CNTNAP5: variants seen among roughly 807,000 people sequenced by gnomAD.
CNTNAP5 encodes the protein contactin-associated protein-like 5.
In CNTNAP5, 72 loss-of-function variants were observed where a neutral mutation model predicts 150.2. The observed-to-expected ratio is 0.48, with a 90% CI of 0.40 to 0.58. CNTNAP5 has a LOEUF of 0.58. Ranked by LOEUF, CNTNAP5 falls within the 20% of genes least tolerant of loss-of-function variation. The pLI, the probability that CNTNAP5 is intolerant of heterozygous loss-of-function variation, is 0.00. For synonymous variants in CNTNAP5, 672 were observed against 619.8 expected (o/e 1.08, Z -1.25); for missense variants, 1,636 against 1,626.2 (o/e 1.01, Z -0.10).
chr2:124,148,444 G>A (rs1049244949), intron 1 of CNTNAP5, among the ~76,000 whole-genome samples: 35 of 148,780 alleles, frequency 2.4e-4, no homozygotes, highest in East Asian at 5.9e-4. Context: ...CTGCCGTATC[G>A]TCATGTTTCT....
At chr2:124,379,936 C>T (rs1690746585) in intron 3 of CNTNAP5, among the ~76,000 whole-genome samples, 1 of 152,126 alleles carries the variant, frequency 6.6e-6, no homozygotes, top group South Asian at 2.1e-4. Flanking sequence ...GTGGAAACCC[C>T]TTGCCTTACA....
At chr2:124,154,410 G>A (rs964927235) in intron 1 of CNTNAP5, among the ~76,000 whole-genome samples, 2 of 152,102 alleles carry the variant, frequency 1.3e-5, no homozygotes, top group African/African-American at 4.8e-5. Flanking sequence ...GGTGAGGAGA[G>A]GTGGAATGAG....
At chr2:124,521,458 G>A (rs1694844231) in intron 8 of CNTNAP5, among the ~76,000 whole-genome samples, 2 of 152,158 alleles carry the variant, frequency 1.3e-5, no homozygotes, top group Non-Finnish European at 1.5e-5. Flanking sequence ...GACATAGATG[G>A]CGATGTGGGG....
intron 1 of CNTNAP5, among the ~76,000 whole-genome samples, chr2:124,221,018 C>A (rs966442097): frequency 1.3e-5 from 2 of 152,056 alleles, no homozygotes; most frequent in Non-Finnish European, 2.9e-5. Context: ...CCCACCCTGT[C>A]CCACATTTGG....
chr2:124,477,481 G>C (rs865879562), intron 7 of CNTNAP5, among the ~76,000 whole-genome samples: 1 of 152,032 alleles, frequency 6.6e-6, no homozygotes, highest in East Asian at 1.9e-4. Context: ...CTTCGGTTTG[G>C]AAAAGTTAGG....
At chr2:124,037,061 C>T (rs1389672317) in intron 1 of CNTNAP5, among the ~76,000 whole-genome samples, 3 of 152,242 alleles carry the variant, frequency 2.0e-5, no homozygotes, top group Non-Finnish European at 2.9e-5. Flanking sequence ...CCCCAATCTT[C>T]AGGCCATCTT....
intron 1 of CNTNAP5, among the ~76,000 whole-genome samples, chr2:124,157,404 T>C (rs1236332411): frequency 2.0e-5 from 3 of 152,200 alleles, no homozygotes; most frequent in Non-Finnish European, 2.9e-5. Flanking sequence ...GAAGAAGCTG[T>C]GTTAGGCTCT....
intron 10 of CNTNAP5, among the ~76,000 whole-genome samples, chr2:124,551,868 A>G (rs984978816): frequency 2.0e-5 from 3 of 152,282 alleles, no homozygotes; most frequent in African/African-American, 4.8e-5. Context: ...ATTTAAGTAC[A>G]CTGAGTATAT....
chr2:124,700,145 C>A (rs547989526), intron 13 of CNTNAP5, among the ~76,000 whole-genome samples: 1 of 152,156 alleles, frequency 6.6e-6, no homozygotes, highest in Non-Finnish European at 1.5e-5. Context: ...GCTTCTTCCA[C>A]TTAATAGAAT....
At chr2:124,074,232 G>A (rs1012078030) in intron 1 of CNTNAP5, among the ~76,000 whole-genome samples, 10 of 151,950 alleles carry the variant, frequency 6.6e-5, no homozygotes, top group African/African-American at 2.4e-4. Context: ...CTGGTTAATG[G>A]GTACAAAAAG....
At chr2:124,345,958 G>C (rs1427161647) in intron 3 of CNTNAP5, among the ~76,000 whole-genome samples, 1 of 152,158 alleles carries the variant, frequency 6.6e-6, no homozygotes, top group Admixed American at 6.5e-5. Context: ...CATAAGACAA[G>C]TTACAAACAT....
chr2:124,858,584 G>T (rs140971381), intron 19 of CNTNAP5, among the ~76,000 whole-genome samples: 1 of 152,172 alleles, frequency 6.6e-6, no homozygotes, highest in African/African-American at 2.4e-5. Context: ...CCATTCTCAT[G>T]GATAGGAAGA....
In CNTNAP5 at chr2:124,559,334, T is replaced by C. The variant is rs1276137978; in HGVS notation, c.1650-3883T>C. On this transcript the variant is annotated intron_variant, in intron 10 of 23. Transcript: ENST00000682447. The stretch of plus-strand genomic sequence containing the variant: ...CTTTATCTCATTTCCCTTAAGACAA[T>C]GCACATTCTGCTTTTATACAGAGGC... Among the ~76,000 whole-genome samples, 3 of 152,174 alleles carry C rather than the reference T, an allele frequency of 2.0e-5. No homozygotes were observed. In the East Asian group the frequency reaches 5.8e-4, roughly 29 times the overall value.
At chr2:124,582,929 A>G (rs899122084) in intron 11 of CNTNAP5, among the ~76,000 whole-genome samples, 1 of 152,188 alleles carries the variant, frequency 6.6e-6, no homozygotes, top group African/African-American at 2.4e-5. Context: ...TAAGTAATTC[A>G]GTTTTTCCTC....
chr2:124,410,797 C>A (rs537853818), intron 3 of CNTNAP5, among the ~76,000 whole-genome samples: 2 of 149,908 alleles, frequency 1.3e-5, no homozygotes, highest in African/African-American at 2.4e-5. Flanking sequence ...AAAATTGACA[C>A]CCTAACATCA....
chr2:124,808,501 T>G (rs973495975), intron 19 of CNTNAP5, among the ~76,000 whole-genome samples: 1 of 149,992 alleles, frequency 6.7e-6, no homozygotes, highest in Non-Finnish European at 1.5e-5. Context: ...GGCAGAGTAA[T>G]GGCTTGAACC....
At position 124,727,847 on chromosome 2, in the gene CNTNAP5, A is replaced by C. The variant is rs577617424; in HGVS notation, c.2078-19382A>C. On this transcript the variant is annotated intron_variant, in intron 13 of 23. Transcript: ENST00000682447. Reference sequence around the variant, plus strand: ...GGCCAGGACTTTAAGTACTATGTTGAATAGAAGTGGTCAGAATGGGCATCC... The same window carrying C: ...GGCCAGGACTTTAAGTACTATGTTGCATAGAAGTGGTCAGAATGGGCATCC... Among the ~76,000 whole-genome samples the C allele has an allele frequency of 5.9e-5, 9 of 151,950 alleles. No individual in the cohort carries two copies. The East Asian group carries it at 1.4e-3, about 23-fold the overall frequency.
At chr2:124,603,869 T>A (rs1025999169) in intron 11 of CNTNAP5, among the ~76,000 whole-genome samples, 1 of 152,186 alleles carries the variant, frequency 6.6e-6, no homozygotes, top group African/African-American at 2.4e-5. Context: ...ACTAATAAAT[T>A]GTATATATTT....
At chr2:124,240,994 T>C (rs1223855311) in intron 2 of CNTNAP5, among the ~76,000 whole-genome samples, 2 of 152,188 alleles carry the variant, frequency 1.3e-5, no homozygotes, top group Non-Finnish European at 2.9e-5. Flanking sequence ...AAAAAGGTTA[T>C]TGATTAACTC....
Sources: gnomAD v4.1 joint callset for allele counts (sites outside exome capture counted in the v4.1 genomes callset) on GRCh38, gnomAD v4.1.1 for gene constraint, MANE v1.5 for transcripts, NCBI Gene and HGNC (gene_info 2026-07-23, HGNC 2026-07-21) for gene names.